The following KCNT2 variants were observed in gnomAD, a reference collection of about 807,000 sequenced individuals.
The protein encoded by KCNT2 is potassium sodium-activated channel subfamily T member 2, also known as potassium channel subfamily T member 2.
KCNT2 carries 67 observed loss-of-function variants against 153.8 expected under a neutral mutation model. That is an observed-to-expected ratio of 0.44 (90% CI 0.36 to 0.53). The LOEUF is 0.53. Among genes scored for constraint, KCNT2 ranks in the 20% least tolerant of loss-of-function variants. The pLI, the probability that KCNT2 is intolerant of heterozygous loss-of-function variation, is 0.00. For synonymous variants in KCNT2, 500 were observed against 458.8 expected, an observed-to-expected ratio of 1.09 and a Z score of -1.15; for missense variants, 975 against 1,354.8, an observed-to-expected ratio of 0.72 and a Z score of 4.40.
intron 13 of KCNT2, among the ~76,000 whole-genome samples, chr1:196,383,636 T>C (rs941395308): frequency 6.6e-6 from 1 of 152,204 alleles, no homozygotes. Context: ...TCGGGAGTGA[T>C]GACAGGGTCC....
intron 1 of KCNT2, among the ~76,000 whole-genome samples, chr1:196,535,563 AT>A (rs1655440032): frequency 6.6e-6 from 1 of 152,182 alleles, no homozygotes; most frequent in Admixed American, 6.5e-5. Flanking sequence ...TTCTTTGCAC[AT>A]TTTTATAACC....
At chr1:196,529,173 C>T (rs1236915415) in intron 1 of KCNT2, among the ~76,000 whole-genome samples, 4 of 152,132 alleles carry the variant, frequency 2.6e-5, no homozygotes, top group African/African-American at 9.6e-5. Context: ...ATTACTAATG[C>T]TTAAGAGAGT....
intron 8 of KCNT2, among the ~76,000 whole-genome samples, chr1:196,462,870 T>A (rs939787358): frequency 6.6e-6 from 1 of 151,710 alleles, no homozygotes; most frequent in Non-Finnish European, 1.5e-5. Context: ...TGTGTGATAG[T>A]ATGATATTCA....
intron 8 of KCNT2, among the ~76,000 whole-genome samples, chr1:196,441,076 T>A (rs1002128158): frequency 2.6e-5 from 4 of 151,794 alleles, no homozygotes; most frequent in African/African-American, 9.7e-5. Context: ...GCTCACCAAA[T>A]TGAGCATGCC....
intron 1 of KCNT2, among the ~76,000 whole-genome samples, chr1:196,594,488 C>CT (rs1410571533): frequency 6.6e-6 from 1 of 151,998 alleles, no homozygotes; most frequent in Non-Finnish European, 1.5e-5. Context: ...GTAATATCTT[C>CT]TTTATACTAC....
intron 1 of KCNT2, among the ~76,000 whole-genome samples, chr1:196,512,489 T>C (rs1681712953): frequency 6.6e-6 from 1 of 152,192 alleles, no homozygotes; most frequent in Non-Finnish European, 1.5e-5. Flanking sequence ...TGTTAGCTGA[T>C]GTCAAATCTA....
chr1:196,420,674 T>C (rs888653759), intron 12 of KCNT2, among the ~76,000 whole-genome samples: 1 of 152,018 alleles, frequency 6.6e-6, no homozygotes, highest in African/African-American at 2.4e-5. Context: ...CCATTTCCCA[T>C]GAGGAAACTC....
intron 8 of KCNT2, among the ~76,000 whole-genome samples, chr1:196,456,129 C>T (rs998574826): frequency 6.6e-6 from 1 of 151,986 alleles, no homozygotes; most frequent in African/African-American, 2.4e-5. Context: ...TTGCCTGCCT[C>T]AGGAGGCATG....
intron 8 of KCNT2, among the ~76,000 whole-genome samples, chr1:196,457,141 G>A (rs1055303542): frequency 9.2e-5 from 14 of 151,690 alleles, no homozygotes; most frequent in Non-Finnish European, 4.4e-5. Flanking sequence ...AGATAAAACT[G>A]ATTTAAAAGG....
At chr1:196,345,207 G>C (rs1386980795) in intron 14 of KCNT2, among the ~76,000 whole-genome samples, 2 of 152,160 alleles carry the variant, frequency 1.3e-5, no homozygotes, top group Non-Finnish European at 2.9e-5. Context: ...AAATTGTGTT[G>C]TGTTTAGAGG....
At chr1:196,373,616 GT>G (rs1235896911) in intron 13 of KCNT2, among the ~76,000 whole-genome samples, 1 of 151,726 alleles carries the variant, frequency 6.6e-6, no homozygotes, top group East Asian at 1.9e-4. Flanking sequence ...GTCTCCTTTT[GT>G]TCTGATAATT....
intron 1 of KCNT2, among the ~76,000 whole-genome samples, chr1:196,562,418 T>G (rs1184222280): frequency 1.3e-5 from 2 of 151,936 alleles, no homozygotes; most frequent in African/African-American, 4.8e-5. Context: ...TGGCCTGAAC[T>G]AGTTTTGCAG....
At chr1:196,426,426 A>T (rs544879887) in intron 10 of KCNT2, among the ~76,000 whole-genome samples, 1 of 152,080 alleles carries the variant, frequency 6.6e-6, no homozygotes, top group African/African-American at 2.4e-5. Flanking sequence ...CTATATAATT[A>T]TGAAACAATA....
rs1056154514 is a variant in KCNT2 at position 196,436,344 on chromosome 1, A to T, written c.639-6587T>A. 4.0e-5 allele frequency among the ~76,000 whole-genome samples: 6 copies of T among 151,700 alleles called. No individual in the cohort carries two copies. In the South Asian group the frequency reaches 1.2e-3, roughly 31 times the overall value. On this transcript the variant is annotated intron_variant, in intron 8 of 27. Transcript: ENST00000294725. Reference sequence around the variant, plus strand: ...TATCTCTTCAAAAAGTAATTCAGCTAATTGTAGGAAGGAAGAGAAGAAAGT... The same window carrying T: ...TATCTCTTCAAAAAGTAATTCAGCTTATTGTAGGAAGGAAGAGAAGAAAGT...
intron 3 of KCNT2, 28 bp downstream of exon 3, chr1:196,489,810 T>C (rs2148726696): frequency 8.9e-7 from 1 of 1,123,844 alleles, no homozygotes; most frequent in Non-Finnish European, 1.3e-6. Flanking sequence ...AAAATAATAT[T>C]GTTGAAGGTC....
chr1:196,533,407 T>C (rs563757979), intron 1 of KCNT2, among the ~76,000 whole-genome samples: 6 of 152,218 alleles, frequency 3.9e-5, no homozygotes, highest in African/African-American at 1.4e-4. Flanking sequence ...TGAGGATCAT[T>C]TAAAAAGACA....
intron 14 of KCNT2, among the ~76,000 whole-genome samples, chr1:196,370,283 G>A (rs1668409002): frequency 6.6e-6 from 1 of 152,058 alleles, no homozygotes; most frequent in African/African-American, 2.4e-5. Context: ...AATAAAGTGA[G>A]CGGGTCTGAA....
intron 12 of KCNT2, among the ~76,000 whole-genome samples, chr1:196,398,971 AG>A (rs1382906321): frequency 2.0e-5 from 3 of 151,678 alleles, no homozygotes; most frequent in African/African-American, 7.3e-5. Flanking sequence ...TCAGACATGT[AG>A]CAAAACTAAT....
At chr1:196,489,998 G>T (rs1460367780) in intron 2 of KCNT2, 61 bp from the exon 3 acceptor site, 2 of 733,696 alleles carry the variant, frequency 2.7e-6, no homozygotes, top group South Asian at 2.1e-5. Context: ...AGACTAAAAA[G>T]AATTGTCAAA....
Sources: gnomAD v4.1 joint callset for allele counts (sites outside exome capture counted in the v4.1 genomes callset) on GRCh38, gnomAD v4.1.1 for gene constraint, MANE v1.5 for transcripts, NCBI Gene and HGNC (gene_info 2026-07-23, HGNC 2026-07-21) for gene names.